The following ARHGEF12 variants were observed in gnomAD, a reference collection of about 807,000 sequenced individuals.
ARHGEF12 encodes Rho guanine nucleotide exchange factor 12, also known as KMT2A/ARHGEF12 fusion protein.
In ARHGEF12, 66 loss-of-function variants were observed where a neutral mutation model predicts 211.2. That is an observed-to-expected ratio of 0.31 (90% CI 0.26 to 0.38). The LOEUF is 0.38. ARHGEF12 is among the 10% of genes least tolerant of loss of function. ARHGEF12 has a pLI of 1.00. For missense variants in ARHGEF12, 1,429 were observed against 1,869.5 expected (o/e 0.76, Z 4.34); for synonymous variants, 592 against 638.4 (o/e 0.93, Z 1.09).
At chr11:120,395,644 A>T (rs1944360387) in intron 1 of ARHGEF12, among the ~76,000 whole-genome samples, 1 of 152,214 alleles carries the variant, frequency 6.6e-6, no homozygotes, top group Admixed American at 6.5e-5. Context: ...AGTGAGGAGC[A>T]AAGTCATGTC....
chr11:120,409,101 T>G, intron 3 of ARHGEF12: 2 of 358,826 alleles, frequency 5.6e-6, no homozygotes, highest in South Asian at 7.7e-5. Flanking sequence ...ATTATAGCTT[T>G]TAGTGCTTTT....
chr11:120,348,755 C>T (rs926973368), intron 1 of ARHGEF12, among the ~76,000 whole-genome samples: 3 of 152,096 alleles, frequency 2.0e-5, no homozygotes, highest in East Asian at 1.9e-4. Context: ...GCAGGAGAAT[C>T]GCTTGAACCA....
intron 2 of ARHGEF12, among the ~76,000 whole-genome samples, chr11:120,407,000 GTTATC>G (rs1158028234): frequency 1.3e-5 from 2 of 152,054 alleles, no homozygotes; most frequent in African/African-American, 4.8e-5. Flanking sequence ...CATTTCTTCT[GTTATC>G]TTATCATAAA....
intron 1 of ARHGEF12, among the ~76,000 whole-genome samples, chr11:120,344,504 T>C (rs1942642737): frequency 6.6e-6 from 1 of 152,142 alleles, no homozygotes; most frequent in African/African-American, 2.4e-5. Context: ...TGTTGTGGTT[T>C]GCCCAGTACA....
chr11:120,419,921 G>A (rs963166483), intron 4 of ARHGEF12, among the ~76,000 whole-genome samples: 1 of 152,138 alleles, frequency 6.6e-6, no homozygotes, highest in Non-Finnish European at 1.5e-5. Flanking sequence ...AAGATCTTCA[G>A]ATCTGGTCTA....
At chr11:120,409,279 T>A in intron 3 of ARHGEF12, 115 bp from the exon 4 acceptor site, 1 of 956,566 alleles carries the variant, frequency 1.0e-6, no homozygotes, top group Non-Finnish European at 1.6e-6. Context: ...GTTCATACTT[T>A]GTGTTTGCAC....
chr11:120,456,488 GAA>G (rs1946365356), intron 22 of ARHGEF12, among the ~76,000 whole-genome samples: 1 of 152,146 alleles, frequency 6.6e-6, no homozygotes, highest in African/African-American at 2.4e-5. Context: ...AGAGGGGAAA[GAA>G]ATAGATATTA....
Position 120,337,019 on chromosome 11 carries a change from G to A in ARHGEF12, c.-225G>A. On this transcript the variant is annotated 5_prime_UTR_variant, in exon 1 of 41. Coordinates refer to ENST00000397843, the MANE Select transcript of ARHGEF12 (RefSeq NM_015313.3). ...AGCTCGACTCACTCTGGACTGACTC[G>A]CTCCCTGGCTTTCTCAGTTCGTTTT... 1.7e-6 allele frequency: 1 copy of A among 602,990 alleles called. No individual in the cohort carries two copies. Among genetic ancestry groups the A allele is most frequent in the Non-Finnish European group, 3.0e-6 (1 of 335,926 alleles). The allele number at this position is 602,990 out of a possible 1,614,324, so 37.4% of individuals were successfully genotyped here.
chr11:120,480,322 A>T lies in ARHGEF12; in HGVS notation c.4129A>T (p.Ser1377Cys), dbSNP rs1947195223. The T allele has an allele frequency of 6.2e-7, 1 of 1,614,192 alleles. No homozygotes were observed. The highest frequency in any genetic ancestry group is 2.2e-5 in the East Asian group (1 of 44,876). The change falls in exon 38 of 41, where the codon AGT becomes TGT. Residue 1377 changes from serine to cysteine, a missense_variant. By Grantham distance (112) the Ser-to-Cys change is moderately radical. Coordinates refer to ENST00000397843, the MANE Select transcript of ARHGEF12 (RefSeq NM_015313.3). The stretch of plus-strand genomic sequence containing the variant: ...GGAGCCAGAAGGGGGTCTTGATGAC[A>T]GTGGAGAGCACTTTTTTGATGCCCG... The part of the protein sequence containing the change: ...TMEPEGGLDD[S>C]GEHFFDAREA...
chr11:120,489,858 A>T lies in ARHGEF12; in HGVS notation c.*4781A>T, dbSNP rs1406473745. On this transcript the variant is annotated 3_prime_UTR_variant, in exon 41 of 41. Coordinates refer to ENST00000397843, the MANE Select transcript of ARHGEF12 (RefSeq NM_015313.3). ...AGATACATATCTGGTGGAACAAAGA[A>T]ATACCTGTACCATTCCCACTTGCTC... 5.4e-6 allele frequency: 1 copy of T among 185,042 alleles called. No homozygotes were observed. Among genetic ancestry groups the T allele is most frequent in the East Asian group, 8.7e-5 (1 of 11,524 alleles). The allele number at this position is 185,042 out of a possible 1,614,324, so 11.5% of individuals were successfully genotyped here. A position where few individuals can be genotyped will look rare whatever the true frequency, so the allele number is the denominator to read the frequency against.
intron 1 of ARHGEF12, among the ~76,000 whole-genome samples, chr11:120,340,428 A>G (rs1007448213): frequency 6.6e-6 from 1 of 152,218 alleles, no homozygotes; most frequent in Non-Finnish European, 1.5e-5. Flanking sequence ...TTATAGATAA[A>G]GACAGGTTTT....
rs1264771723 is a variant in ARHGEF12 at position 120,352,134 on chromosome 11, T to A, written c.32+14859T>A. Among the ~76,000 whole-genome samples, 3 of 152,230 alleles carry A rather than the reference T, an allele frequency of 2.0e-5. No individual in the cohort carries two copies. In the East Asian group the frequency reaches 5.8e-4, roughly 29 times the overall value. On this transcript the variant is annotated intron_variant, in intron 1 of 40. Coordinates refer to ENST00000397843, the MANE Select transcript of ARHGEF12 (RefSeq NM_015313.3). ...AACTACATCTTATCCTTTGTACTCT[T>A]AATCACCTGTTTTCCCTATTTTCTT... is the stretch of plus-strand genomic sequence containing the variant.
rs1947065513 is a variant in ARHGEF12, at chr11:120,477,275, C to T, written c.3422C>T (p.Pro1141Leu). Residue 1141 changes from proline to leucine, a missense_variant, in exon 35 of 41, where the codon CCA becomes CTA. By Grantham distance (98) the Pro-to-Leu change is moderately conservative. This residue lies in a region of ARHGEF12 where 223 missense variants were observed against 444.6 expected (regional missense o/e 0.50). Coordinates refer to ENST00000397843, the MANE Select transcript of ARHGEF12 (RefSeq NM_015313.3). ...AASVKEQSTKPIPLPQSTPGE... is the reference protein window; with the variant it reads ...AASVKEQSTKLIPLPQSTPGE... ...TCAGTGAAGGAGCAATCCACAAAGC[C>T]AATTCCATTACCACAGTCAACACCT... is the stretch of plus-strand genomic sequence containing the variant. 27 of 1,614,084 alleles carry T rather than the reference C, an allele frequency of 1.7e-5. No individual in the cohort carries two copies. The highest frequency in any genetic ancestry group is 2.3e-5 in the Non-Finnish European group (27 of 1,180,034).
chr11:120,449,932 A>G (rs1375298158), intron 21 of ARHGEF12: 1 of 151,826 alleles, frequency 6.6e-6, no homozygotes, highest in Non-Finnish European at 1.5e-5. Flanking sequence ...CCACCTCTCC[A>G]TTGTACTTTA....
chr11:120,340,869 A>G (rs1942514304), intron 1 of ARHGEF12, among the ~76,000 whole-genome samples: 1 of 152,206 alleles, frequency 6.6e-6, no homozygotes, highest in Non-Finnish European at 1.5e-5. Context: ...AACATGCAGA[A>G]TCTAAAGTAA....
At position 120,459,274 on chromosome 11, in the gene ARHGEF12, G is replaced by A. The variant is rs1476466242; in HGVS notation, c.2481G>A (p.Glu827=). ...VSREGILSPS[E]LRKIFSNLED... The stretch of plus-strand genomic sequence containing the variant: ...GAGAAGGAATTCTGTCACCCTCAGA[G>A]CTACGGAAAATTTTTTCAAACTTGG... Residue 827 remains glutamate, a synonymous_variant, in exon 26 of 41, where the codon GAG becomes GAA. Transcript: ENST00000397843. 1.2e-5 allele frequency: 19 copies of A among 1,613,408 alleles called. No homozygotes were observed. The East Asian group carries it at 4.2e-4, about 36-fold the overall frequency.
chr11:120,478,434 C>T, intron 37 of ARHGEF12, 45 bp downstream of exon 37: 1 of 1,468,222 alleles, frequency 6.8e-7, no homozygotes, highest in Non-Finnish European at 9.5e-7. Flanking sequence ...CTAAGTATGA[C>T]ACTCATGTGC....
At chr11:120,425,021 G>A (rs773097557) in intron 7 of ARHGEF12, among the ~76,000 whole-genome samples, 1 of 152,170 alleles carries the variant, frequency 6.6e-6, no homozygotes, top group Non-Finnish European at 1.5e-5. Flanking sequence ...AGTTCTCTGT[G>A]GAGAAACAGG....
rs753255199 is a variant in ARHGEF12, at chr11:120,484,481, G to T, written c.4598G>T (p.Gly1533Val). 6.2e-7 allele frequency: 1 copy of T among 1,614,104 alleles called. No homozygotes were observed. The change falls in exon 40 of 41, where the codon GGA (glycine) becomes GTA (valine). Residue 1533 changes from glycine to valine, a missense_variant. This residue lies in a region of ARHGEF12 where 467 missense variants were observed against 468.4 expected (regional missense o/e 1.00). Transcript: ENST00000397843. The part of the protein sequence containing the change: ...SYTILCQRLA[G>V]SALTDKHSDK... The stretch of plus-strand genomic sequence containing the variant: ...ACCATTCTTTGCCAAAGGCTGGCTG[G>T]ATCAGCCCTCACAGACAAGCACTCA...
Sources: gnomAD v4.1 joint callset for allele counts (sites outside exome capture counted in the v4.1 genomes callset) on GRCh38, gnomAD v4.1.1 for gene constraint, gnomAD v4.1.1 regional missense constraint, MANE v1.5 for transcripts, NCBI Gene and HGNC (gene_info 2026-07-23, HGNC 2026-07-21) for gene names.